Variants in BCR observed in about 807,000 individuals in gnomAD.
BCR encodes the protein BCR activator of RhoGEF and GTPase, also known as breakpoint cluster region protein.
Under a neutral mutation model 138.6 loss-of-function variants are expected in BCR, and 58 were observed. The observed-to-expected ratio is 0.42, with a 90% CI of 0.34 to 0.52. The LOEUF (loss-of-function observed/expected upper bound fraction) is 0.52. Among genes scored for constraint, BCR ranks in the 20% least tolerant of loss-of-function variants. The probability of loss-of-function intolerance (pLI) is 0.06; values close to 1 mark genes in which losing one functional copy is unlikely to be tolerated. For synonymous variants in BCR, 786 were observed against 730.1 expected, an observed-to-expected ratio of 1.08 and a Z score of -1.23; for missense variants, 1,599 against 1,727.2, an observed-to-expected ratio of 0.93 and a Z score of 1.32.
In BCR at chr22:23,317,841, A is replaced by T. The variant is rs1204150422; in HGVS notation, c.*2319A>T. 1.5e-5 allele frequency: 2 copies of T among 134,348 alleles called. No individual in the cohort carries two copies. 8.3% of individuals were successfully genotyped at this position (134,348 alleles called of 1,614,324 possible). ...TTCTGCAATGCAGGCGAAGGCCTAG[A>T]TGCCAGTGTGACCTCCCACAAGGCG... On this transcript the variant is annotated 3_prime_UTR_variant, in exon 23 of 23. Transcript: ENST00000305877.
rs1320359247 is a variant in BCR at position 23,181,677 on chromosome 22, C to T, written c.717C>T (p.Ser239=). ...PPYRGRSSES[S]CGVDGDYEDA... ...ACCGGGGACGCTCCTCGGAGAGCAG[C>T]TGCGGCGTCGACGGCGACTACGAGG... The change falls in exon 1 of 23, where the codon AGC becomes AGT. Residue 239 remains serine (S), a synonymous_variant. Coordinates refer to ENST00000305877, the MANE Select transcript of BCR (RefSeq NM_004327.4). 1.9e-6 allele frequency: 3 copies of T among 1,606,466 alleles called. No individual in the cohort carries two copies. Among genetic ancestry groups the T allele is most frequent in the Admixed American group, 1.7e-5 (1 of 60,024 alleles).
At chr22:23,219,759 C>T (rs919736043) in intron 1 of BCR, among the ~76,000 whole-genome samples, 12 of 152,204 alleles carry the variant, frequency 7.9e-5, no homozygotes, top group African/African-American at 2.7e-4. Context: ...TCTCCACTTG[C>T]CCAGCTCTGT....
intron 1 of BCR, among the ~76,000 whole-genome samples, chr22:23,203,062 G>A (rs1360095731): frequency 2.0e-5 from 3 of 152,010 alleles, no homozygotes; most frequent in Non-Finnish European, 2.9e-5. Context: ...GTCTTGCTGT[G>A]TTGCCCAGGC....
Position 23,225,383 on chromosome 22 carries a change from G to GCA in BCR, c.1280-28416_1280-28415insCA, listed in dbSNP as rs869218368. On this transcript the variant is annotated intron_variant, in intron 1 of 22. Coordinates refer to ENST00000305877, the MANE Select transcript of BCR (RefSeq NM_004327.4). ...CCCCACCATGCTTCTTAGACCCTGC[G>GCA]GCAGGCTGGCCAGCCCAGGTGGAGG... 4.1e-3 allele frequency among the ~76,000 whole-genome samples: 411 copies of GCA among 101,140 alleles called. 2 individuals are homozygous for GCA. The highest frequency in any genetic ancestry group is 0.014 in the African/African-American group (394 of 27,284). 66.4% of individuals were successfully genotyped at this position (101,140 alleles called of 152,430 possible).
At chr22:23,257,568 C>CA (rs920541248) in intron 2 of BCR, among the ~76,000 whole-genome samples, 2 of 152,264 alleles carry the variant, frequency 1.3e-5, no homozygotes, top group African/African-American at 4.8e-5. Context: ...AGGGACCCAC[C>CA]ATTCCCTTCA....
chr22:23,311,305 T>G (rs878989524), intron 18 of BCR, among the ~76,000 whole-genome samples: 6 of 149,626 alleles, frequency 4.0e-5, no homozygotes, highest in South Asian at 4.3e-4. Flanking sequence ...GGGTCAGGGA[T>G]TCTCCTCTCA....
At chr22:23,263,818 A>G (rs1311278113) in intron 4 of BCR, 5 of 1,210,156 alleles carry the variant, frequency 4.1e-6, no homozygotes. Flanking sequence ...GCCTCAGGCC[A>G]GCTGGGGTAG....
chr22:23,243,007 C>A (rs1298472068), intron 1 of BCR: 1 of 381,452 alleles, frequency 2.6e-6, no homozygotes, highest in Non-Finnish European at 5.3e-6. Flanking sequence ...TCTTCTGTCT[C>A]TTTAAAGATA....
At chr22:23,257,678 G>C (rs968976889) in intron 2 of BCR, among the ~76,000 whole-genome samples, 4 of 152,190 alleles carry the variant, frequency 2.6e-5, no homozygotes, top group African/African-American at 7.2e-5. Flanking sequence ...CACCATTCAT[G>C]ATGGGCAGAG....
At chr22:23,227,136 A>C (rs1035951734) in intron 1 of BCR, among the ~76,000 whole-genome samples, 13 of 152,224 alleles carry the variant, frequency 8.5e-5, no homozygotes, top group Non-Finnish European at 1.5e-4. Context: ...TAGGGTAGAA[A>C]ATAGGGTCTG....
At chr22:23,308,982 A>G (rs1445157520) in intron 16 of BCR, among the ~76,000 whole-genome samples, 3 of 152,102 alleles carry the variant, frequency 2.0e-5, no homozygotes, top group Non-Finnish European at 4.4e-5. Flanking sequence ...CTCCCGCCAC[A>G]AGCTGTTCAT....
chr22:23,254,175 C>T lies in BCR; in HGVS notation c.1461+195C>T, dbSNP rs140148416. Among the ~76,000 whole-genome samples, 11 of 152,192 alleles carry T rather than the reference C, an allele frequency of 7.2e-5. No homozygotes were observed. In the East Asian group the frequency reaches 9.7e-4, roughly 13 times the overall value. On this transcript the variant is annotated intron_variant, in intron 2 of 22. Coordinates refer to ENST00000305877, the MANE Select transcript of BCR (RefSeq NM_004327.4). ...TGCCAGATGTGTTGATCAGGGAGATCGGGGGATGCTTTGAACTGAGCGTGG... is the reference window on the plus strand; with the variant it reads ...TGCCAGATGTGTTGATCAGGGAGATTGGGGGATGCTTTGAACTGAGCGTGG...
At chr22:23,201,575 C>T (rs370131588) in intron 1 of BCR, among the ~76,000 whole-genome samples, 1 of 152,090 alleles carries the variant, frequency 6.6e-6, no homozygotes, top group South Asian at 2.1e-4. Context: ...CTCCTGCCTC[C>T]GCCTCCTGAG....
intron 17 of BCR, chr22:23,310,072 C>T (rs879639000): frequency 2.4e-5 from 12 of 490,582 alleles, no homozygotes; most frequent in East Asian, 1.2e-4. Context: ...TAAAAAAAAG[C>T]AAGCAAGCAA....
At chr22:23,244,747 G>T (rs1014461269) in intron 1 of BCR, among the ~76,000 whole-genome samples, 1 of 152,198 alleles carries the variant, frequency 6.6e-6, no homozygotes, top group Non-Finnish European at 1.5e-5. Context: ...GTCTTTCTGA[G>T]CCCCAGAGTC....
intron 2 of BCR, among the ~76,000 whole-genome samples, chr22:23,255,758 C>G (rs1191097745): frequency 6.6e-6 from 1 of 152,208 alleles, no homozygotes; most frequent in African/African-American, 2.4e-5. Flanking sequence ...TGTGAAGCCA[C>G]TCCAGATCCT....
At chr22:23,281,130 G>A (rs1009038739) in intron 8 of BCR, among the ~76,000 whole-genome samples, 2 of 152,240 alleles carry the variant, frequency 1.3e-5, no homozygotes, top group Admixed American at 6.5e-5. Context: ...ACACACAGAC[G>A]CAGAGCACAT....
In BCR at chr22:23,279,117, C is replaced by T. The variant is rs149151726; in HGVS notation, c.2116-4860C>T. 2.3e-3 allele frequency among the ~76,000 whole-genome samples: 357 copies of T among 152,334 alleles called. 2 individuals are homozygous for T. The highest frequency in any genetic ancestry group is 8.4e-3 in the African/African-American group (351 of 41,574). ...GATGTTTTACGTCATGCTCTTTTCA[C>T]ACCTTCTTGGCACCCAGAAAGAGCT... On this transcript the variant is annotated intron_variant, in intron 8 of 22. Coordinates refer to ENST00000305877, the MANE Select transcript of BCR (RefSeq NM_004327.4).
chr22:23,263,258 C>T (rs2073392416), intron 4 of BCR: 4 of 1,076,956 alleles, frequency 3.7e-6, no homozygotes, highest in Non-Finnish European at 5.5e-6. Context: ...GCTCCTACCT[C>T]GACATGCGGG....
Sources: allele counts gnomAD v4.1 joint callset (sites outside exome capture counted in the v4.1 genomes callset), GRCh38; gene constraint gnomAD v4.1.1; transcripts MANE v1.5; gene names NCBI Gene and HGNC (gene_info 2026-07-23, HGNC 2026-07-21).